RAPGEF4: variants seen among roughly 807,000 people sequenced by gnomAD.
RAPGEF4 encodes the protein Rap guanine nucleotide exchange factor 4, also known as RAP guanine-nucleotide-exchange factor (GEF) 4.
A neutral mutation model predicts 147.9 loss-of-function variants in RAPGEF4; 66 were observed. The ratio of observed to expected loss-of-function variants is 0.45; its 90% CI spans 0.37 to 0.55. RAPGEF4 has a LOEUF of 0.55. Among genes scored for constraint, RAPGEF4 ranks in the 20% least tolerant of loss-of-function variants. RAPGEF4 has a pLI of 0.00. For synonymous variants in RAPGEF4, 419 were observed against 442.7 expected (o/e 0.95, Z 0.67); for missense variants, 1,071 against 1,257.3 (o/e 0.85, Z 2.24).
At chr2:172,763,015 T>A (rs548101247) in intron 1 of RAPGEF4, among the ~76,000 whole-genome samples, 47 of 152,198 alleles carry the variant, frequency 3.1e-4, no homozygotes, top group Non-Finnish European at 5.1e-4. Context: ...CTTATTTAAC[T>A]TATTTTTTGA....
intron 4 of RAPGEF4, among the ~76,000 whole-genome samples, chr2:172,902,321 T>C (rs908384407): frequency 6.6e-6 from 1 of 151,884 alleles, no homozygotes; most frequent in Non-Finnish European, 1.5e-5. Flanking sequence ...ATTTATTTAT[T>C]TGAGACAGGG....
intron 29 of RAPGEF4, among the ~76,000 whole-genome samples, chr2:173,046,536 A>G (rs892085395): frequency 2.0e-5 from 3 of 152,226 alleles, no homozygotes; most frequent in Admixed American, 6.5e-5. Flanking sequence ...AAGAATTACA[A>G]TAATTCTACA....
Position 173,033,532 on chromosome 2 carries a change from C to G in RAPGEF4, c.2650-382C>G, listed in dbSNP as rs528706047. Among the ~76,000 whole-genome samples, 4 of 152,228 alleles carry G rather than the reference C, an allele frequency of 2.6e-5. No individual in the cohort carries two copies. In the East Asian group the frequency reaches 5.8e-4, roughly 22 times the overall value. On this transcript the variant is annotated intron_variant, in intron 26 of 30. Coordinates refer to ENST00000397081, the MANE Select transcript of RAPGEF4 (RefSeq NM_007023.4). ...GATAGTTTCATAAGCTCTTTTATTG[C>G]TAATATTCTGTAATCTAAATTCCTG... is the stretch of plus-strand genomic sequence containing the variant.
chr2:172,747,159 C>G (rs1469323237), intron 1 of RAPGEF4, among the ~76,000 whole-genome samples: 1 of 152,170 alleles, frequency 6.6e-6, no homozygotes, highest in East Asian at 1.9e-4. Context: ...TTTGGGGCAG[C>G]GTTAGAACAG....
chr2:172,866,157 C>G (rs1694618604), intron 4 of RAPGEF4, among the ~76,000 whole-genome samples: 2 of 152,216 alleles, frequency 1.3e-5, no homozygotes, highest in South Asian at 4.2e-4. Flanking sequence ...TCCCCTTGCA[C>G]CCCTTTATCT....
intron 1 of RAPGEF4, among the ~76,000 whole-genome samples, chr2:172,788,394 G>A (rs891765000): frequency 5.2e-4 from 79 of 152,224 alleles, no homozygotes; most frequent in African/African-American, 1.9e-3. Flanking sequence ...CAAGAAGGGA[G>A]TGAAATCTAA....
chr2:173,005,917 G>A (rs1269724536), intron 17 of RAPGEF4, among the ~76,000 whole-genome samples: 1 of 152,130 alleles, frequency 6.6e-6, no homozygotes, highest in Non-Finnish European at 1.5e-5. Context: ...GAGGAAGTCC[G>A]TGTAGCACTG....
At chr2:172,831,731 GTCTCTATTAAGACTAT>G (rs1243104094) in intron 4 of RAPGEF4, among the ~76,000 whole-genome samples, 2 of 152,104 alleles carry the variant, frequency 1.3e-5, no homozygotes, top group African/African-American at 4.8e-5. Flanking sequence ...AGAGATGTTA[GTCTCTATTAAGACTAT>G]GGGATATCAA....
At chr2:172,851,727 T>C (rs560529011) in intron 4 of RAPGEF4, among the ~76,000 whole-genome samples, 21 of 152,094 alleles carry the variant, frequency 1.4e-4, no homozygotes, top group Admixed American at 2.6e-4. Flanking sequence ...TTCTCACTTA[T>C]AAGTGGGAGC....
intron 1 of RAPGEF4, among the ~76,000 whole-genome samples, chr2:172,773,660 A>C: frequency 1.2e-5 from 1 of 85,780 alleles, no homozygotes; most frequent in Non-Finnish European, 2.4e-5. Context: ...CCCGCGGACC[A>C]TCCTACCCAA....
intron 6 of RAPGEF4, among the ~76,000 whole-genome samples, chr2:172,930,954 C>CT (rs1685856079): frequency 6.6e-6 from 1 of 152,272 alleles, no homozygotes; most frequent in African/African-American, 2.4e-5. Flanking sequence ...AATTTTCTTT[C>CT]TGTCTCCAAA....
intron 29 of RAPGEF4, among the ~76,000 whole-genome samples, chr2:173,046,125 G>A (rs1685442641): frequency 2.0e-5 from 3 of 152,190 alleles, no homozygotes; most frequent in Admixed American, 1.3e-4. Flanking sequence ...GGACCTCGCT[G>A]TGAAGCCAGA....
intron 10 of RAPGEF4, among the ~76,000 whole-genome samples, chr2:172,977,082 G>A (rs1575424010): frequency 6.6e-6 from 1 of 152,148 alleles, no homozygotes; most frequent in African/African-American, 2.4e-5. Context: ...TACATTCACC[G>A]GCTGCCACTC....
At chr2:172,853,916 G>T (rs536472759) in intron 4 of RAPGEF4, among the ~76,000 whole-genome samples, 64 of 151,904 alleles carry the variant, frequency 4.2e-4, no homozygotes, top group African/African-American at 1.5e-3. Flanking sequence ...TCAGTCTTTT[G>T]AAATTTGTTT....
At chr2:172,921,971 A>C (rs1684811002) in intron 5 of RAPGEF4, among the ~76,000 whole-genome samples, 1 of 152,224 alleles carries the variant, frequency 6.6e-6, no homozygotes, top group South Asian at 2.1e-4. Flanking sequence ...AATCAGTGGA[A>C]TTAGTTGTTT....
At chr2:172,929,748 A>G (rs1685728694) in intron 6 of RAPGEF4, among the ~76,000 whole-genome samples, 1 of 152,198 alleles carries the variant, frequency 6.6e-6, no homozygotes, top group Non-Finnish European at 1.5e-5. Flanking sequence ...GCCTAGACAG[A>G]AGCACACGTG....
intron 4 of RAPGEF4, among the ~76,000 whole-genome samples, chr2:172,831,544 C>A (rs143126302): frequency 0.01 from 1,596 of 152,100 alleles, 32 homozygotes; most frequent in African/African-American, 0.036. Flanking sequence ...GTTGGAATTA[C>A]AGGCGTGAGC....
intron 4 of RAPGEF4, among the ~76,000 whole-genome samples, chr2:172,824,861 G>A (rs1379062257): frequency 6.6e-6 from 1 of 152,184 alleles, no homozygotes; most frequent in Non-Finnish European, 1.5e-5. Flanking sequence ...CCTAGGAATC[G>A]TGGGAGGCTC....
Position 173,006,640 on chromosome 2 carries a change from A to G in RAPGEF4, c.1658+5296A>G, listed in dbSNP as rs10170710. On this transcript the variant is annotated intron_variant, in intron 17 of 30. Transcript: ENST00000397081. Reference sequence around the variant, plus strand: ...AAAAATTAGGGTCCCTGTCATAAAAATCTTTGTGAAATTGATCTGGAGATG... The same window carrying G: ...AAAAATTAGGGTCCCTGTCATAAAAGTCTTTGTGAAATTGATCTGGAGATG... Among the ~76,000 whole-genome samples the G allele has an allele frequency of 6.0e-3, 909 of 152,374 alleles. 8 individuals carry two copies. Among genetic ancestry groups the G allele is most frequent in the African/African-American group, 0.021 (858 of 41,586 alleles).
Sources: gnomAD v4.1 joint callset for allele counts (sites outside exome capture counted in the v4.1 genomes callset) on GRCh38, gnomAD v4.1.1 for gene constraint, MANE v1.5 for transcripts, NCBI Gene and HGNC (gene_info 2026-07-23, HGNC 2026-07-21) for gene names.